The following KCND3 variants were observed in gnomAD, a reference collection of about 807,000 sequenced individuals.
KCND3 encodes the protein potassium voltage-gated channel subfamily D member 3.
In KCND3, 9 loss-of-function variants were observed where a neutral mutation model predicts 51.1. The observed-to-expected ratio is 0.18, with a 90% CI of 0.11 to 0.31. The LOEUF (loss-of-function observed/expected upper bound fraction) is 0.31. Ranked by LOEUF, KCND3 falls within the 10% of genes least tolerant of loss-of-function variation. KCND3 has a pLI of 1.00. For missense variants in KCND3, 526 were observed against 903.8 expected (o/e 0.58, Z 5.36); for synonymous variants, 349 against 368.0 (o/e 0.95, Z 0.59).
chr1:111,925,529 G>A (rs1426128809), intron 2 of KCND3, among the ~76,000 whole-genome samples: 1 of 152,196 alleles, frequency 6.6e-6, no homozygotes, highest in Non-Finnish European at 1.5e-5. Flanking sequence ...GACACAAGGA[G>A]ACCTGGGTTC....
chr1:111,896,974 C>A (rs1482182700), intron 2 of KCND3, among the ~76,000 whole-genome samples: 1 of 152,212 alleles, frequency 6.6e-6, no homozygotes, highest in East Asian at 1.9e-4. Context: ...ATTATTATGA[C>A]CACCATCACT....
chr1:111,947,944 A>T (rs1425366365), intron 2 of KCND3, among the ~76,000 whole-genome samples: 1 of 152,172 alleles, frequency 6.6e-6, no homozygotes, highest in Non-Finnish European at 1.5e-5. Context: ...ATGTGTGTAT[A>T]TATGTGAGGA....
intron 2 of KCND3, among the ~76,000 whole-genome samples, chr1:111,908,393 T>C (rs1404320912): frequency 6.6e-6 from 1 of 152,198 alleles, no homozygotes; most frequent in African/African-American, 2.4e-5. Flanking sequence ...CATTTAGTCC[T>C]CCTCCAGCCC....
rs982306583 is a variant in KCND3 at position 111,885,647 on chromosome 1, C to T, written c.1106+95974G>A. 2.0e-5 allele frequency among the ~76,000 whole-genome samples: 3 copies of T among 151,784 alleles called. No individual in the cohort carries two copies. The East Asian group carries it at 5.8e-4, about 29-fold the overall frequency. ...ATGAGAAACAAGTGTGGTACGGGAA[C>T]GTTTCCATTTACCCTGTTACATTTT... On this transcript the variant is annotated intron_variant, in intron 2 of 7. Transcript: ENST00000302127.
At chr1:111,804,821 G>A (rs1387056110) in intron 2 of KCND3, among the ~76,000 whole-genome samples, 3 of 152,240 alleles carry the variant, frequency 2.0e-5, no homozygotes, top group Non-Finnish European at 2.9e-5. Flanking sequence ...AAATCATAGC[G>A]TTAATTAACA....
At chr1:111,800,927 T>C (rs1224657731) in intron 2 of KCND3, among the ~76,000 whole-genome samples, 1 of 152,230 alleles carries the variant, frequency 6.6e-6, no homozygotes, top group Non-Finnish European at 1.5e-5. Flanking sequence ...AAACTTCTAA[T>C]TTATCTCTCC....
chr1:111,830,950 G>A (rs542622339), intron 2 of KCND3, among the ~76,000 whole-genome samples: 10 of 152,340 alleles, frequency 6.6e-5, no homozygotes, highest in African/African-American at 2.2e-4. Flanking sequence ...TTGAAGAACT[G>A]CTTTGTTAAA....
chr1:111,886,857 G>A (rs1669594551), intron 2 of KCND3, among the ~76,000 whole-genome samples: 1 of 152,200 alleles, frequency 6.6e-6, no homozygotes, highest in Non-Finnish European at 1.5e-5. Context: ...TGACCACTAA[G>A]CCTCCTTCCT....
At chr1:111,889,143 C>G (rs1364534040) in intron 2 of KCND3, among the ~76,000 whole-genome samples, 1 of 152,214 alleles carries the variant, frequency 6.6e-6, no homozygotes, top group Non-Finnish European at 1.5e-5. Flanking sequence ...TTGTTTTCAG[C>G]AACCTGCTGC....
chr1:111,884,295 T>C (rs1468793942), intron 2 of KCND3, among the ~76,000 whole-genome samples: 1 of 152,196 alleles, frequency 6.6e-6, no homozygotes, highest in African/African-American at 2.4e-5. Flanking sequence ...TCTCCCTCCA[T>C]TTGTCAAGGT....
rs781026260 is a variant in KCND3, at chr1:111,802,327, C to T, written c.1107-15221G>A. Reference sequence around the variant, plus strand: ...TCTGAAAGCACCGCCTGCTCCTCATCTCATTTGGCTGCACTGCCAGTGGCT... The same window carrying T: ...TCTGAAAGCACCGCCTGCTCCTCATTTCATTTGGCTGCACTGCCAGTGGCT... On this transcript the variant is annotated intron_variant, in intron 2 of 7. Coordinates refer to ENST00000302127, the MANE Select transcript of KCND3 (RefSeq NM_001378969.1). 7.9e-5 allele frequency among the ~76,000 whole-genome samples: 12 copies of T among 152,236 alleles called. No individual in the cohort carries two copies. In the South Asian group the frequency reaches 1.4e-3, roughly 18 times the overall value.
intron 2 of KCND3, among the ~76,000 whole-genome samples, chr1:111,938,534 CG>C (rs912256844): frequency 6.6e-6 from 1 of 152,028 alleles, no homozygotes; most frequent in Non-Finnish European, 1.5e-5. Context: ...AAGAACAACA[CG>C]GGGGAAGGGG....
chr1:111,975,919 G>A lies in KCND3; in HGVS notation c.1106+5702C>T, dbSNP rs555654385. Among the ~76,000 whole-genome samples, 37 of 152,268 alleles carry A rather than the reference G, an allele frequency of 2.4e-4. No homozygotes were observed. The South Asian group carries it at 7.5e-3, about 31-fold the overall frequency. On this transcript the variant is annotated intron_variant, in intron 2 of 7. Coordinates refer to ENST00000302127, the MANE Select transcript of KCND3 (RefSeq NM_001378969.1). ...TCCTCATTCCTTCAGGTCTCTGCTC[G>A]AATATCTGAGAGGCCCTTCTTGACA...
Position 111,773,870 on chromosome 1 carries a change from TGGTCTTCTA to T in KCND3, c.*2198_*2206del, listed in dbSNP as rs1425276465. On this transcript the variant is annotated 3_prime_UTR_variant, in exon 8 of 8. Transcript: ENST00000302127. ...CCCGCCCTCTAAGTGAAGTTTAGCT[TGGTCTTCTA>T]ATGAGATGTGTATATGAAGTGAATT... 2 of 152,208 alleles carry T rather than the reference TGGTCTTCTA, an allele frequency of 1.3e-5. No individual in the cohort carries two copies. Among genetic ancestry groups the T allele is most frequent in the Admixed American group, 1.3e-4 (2 of 15,284 alleles). The allele number at this position is 152,208 out of a possible 1,614,324, so 9.4% of individuals were successfully genotyped here.
chr1:111,904,048 C>T (rs1281349887), intron 2 of KCND3, among the ~76,000 whole-genome samples: 8 of 151,944 alleles, frequency 5.3e-5, no homozygotes, highest in Admixed American at 3.3e-4. Context: ...TTCTGGCTCC[C>T]CTGGTGTGCT....
intron 2 of KCND3, among the ~76,000 whole-genome samples, chr1:111,925,991 T>C (rs1203530177): frequency 6.6e-6 from 1 of 152,212 alleles, no homozygotes. Flanking sequence ...ATCATTTCCA[T>C]TTATATGCCT....
chr1:111,787,811 TAAGCCCC>T (rs1664672286), intron 2 of KCND3, among the ~76,000 whole-genome samples: 1 of 152,212 alleles, frequency 6.6e-6, no homozygotes, highest in Non-Finnish European at 1.5e-5. Flanking sequence ...TTACCTCACA[TAAGCCCC>T]ATGAACCCTG....
chr1:111,804,461 C>T (rs1252685957), intron 2 of KCND3, among the ~76,000 whole-genome samples: 4 of 152,322 alleles, frequency 2.6e-5, no homozygotes, highest in Middle Eastern at 3.4e-3. Context: ...AATTAACCTT[C>T]TGTGTTTTGG....
chr1:111,829,619 T>C (rs1016998233), intron 2 of KCND3, among the ~76,000 whole-genome samples: 1 of 152,130 alleles, frequency 6.6e-6, no homozygotes, highest in Non-Finnish European at 1.5e-5. Flanking sequence ...CTGAGCACTG[T>C]TCCTGAATGC....
Sources: allele counts gnomAD v4.1 joint callset (sites outside exome capture counted in the v4.1 genomes callset), GRCh38; gene constraint gnomAD v4.1.1; transcripts MANE v1.5; gene names NCBI Gene and HGNC (gene_info 2026-07-23, HGNC 2026-07-21).